The following ACACA variants were observed in gnomAD, a reference collection of about 807,000 sequenced individuals.
ACACA encodes acetyl-CoA carboxylase 1.
A neutral mutation model predicts 296.1 loss-of-function variants in ACACA; 103 were observed. The ratio of observed to expected loss-of-function variants is 0.35; its 90% CI spans 0.30 to 0.41. ACACA has a LOEUF of 0.41. Among genes scored for constraint, ACACA ranks in the 10% least tolerant of loss-of-function variants. ACACA has a pLI of 1.00. For missense variants in ACACA, 1,554 were observed against 2,989.7 expected (o/e 0.52, Z 11.20); for synonymous variants, 953 against 1,038.6 (o/e 0.92, Z 1.58).
chr17:37,091,920 C>T (rs755909234), intron 54 of ACACA, among the ~76,000 whole-genome samples: 2 of 152,078 alleles, frequency 1.3e-5, no homozygotes, highest in Non-Finnish European at 2.9e-5. Flanking sequence ...AGTTGTAAGA[C>T]TCAATTCCAG....
chr17:37,223,204 T>A (rs1234396458), intron 28 of ACACA, among the ~76,000 whole-genome samples: 1 of 152,210 alleles, frequency 6.6e-6, no homozygotes, highest in Non-Finnish European at 1.5e-5. Context: ...TTTTCGCTTT[T>A]TGTGTTACAA....
Position 37,266,734 on chromosome 17 carries a change from C to T in ACACA, c.1120-2840G>A, listed in dbSNP as rs1236194160. On this transcript the variant is annotated intron_variant, in intron 10 of 55. Transcript: ENST00000616317. ...TCTTCTTTAGCTTACCTCTCTTTTA[C>T]AGTTTTTTAGCATAAGCAACTAGAA... is the stretch of plus-strand genomic sequence containing the variant. Among the ~76,000 whole-genome samples the T allele has an allele frequency of 2.0e-5, 3 of 152,152 alleles. No homozygotes were observed. In the East Asian group the frequency reaches 5.8e-4, roughly 29 times the overall value.
At chr17:37,099,650 A>AT (rs2073239189) in intron 52 of ACACA, among the ~76,000 whole-genome samples, 1 of 129,722 alleles carries the variant, frequency 7.7e-6, no homozygotes, top group Admixed American at 7.6e-5. Context: ...GGCTGATGGG[A>AT]GGAGGGCTGA....
chr17:37,121,979 A>G (rs191686492), intron 49 of ACACA, among the ~76,000 whole-genome samples: 1 of 152,186 alleles, frequency 6.6e-6, no homozygotes, highest in Admixed American at 6.5e-5. Context: ...AATATAATCC[A>G]TCCTTTAAAA....
intron 1 of ACACA, among the ~76,000 whole-genome samples, chr17:37,344,766 G>A (rs965115028): frequency 1.3e-5 from 2 of 152,024 alleles, no homozygotes; most frequent in South Asian, 2.1e-4. Context: ...TATGTCATAC[G>A]TTCCCCAAAA....
rs144260043 is a variant in ACACA, at chr17:37,097,097, G to A, written c.6790C>T (p.Leu2264=). ...WRLRRLLLED[L]VKKKIHNANP... is the part of the protein sequence containing the mutation. ...GCATTGTGGATTTTCTTCTTGACCA[G>A]GTCCTCCAGCAGAAGACGCCTCAGC... Residue 2264 remains leucine (L), a synonymous_variant, in exon 54 of 56, where the codon CTG becomes TTG. Coordinates refer to ENST00000616317, the MANE Select transcript of ACACA (RefSeq NM_198834.3). This position sits in a 1 kb window ranked among gnomAD's most constrained non-coding sequence, Gnocchi z 4.8. 2.8e-5 allele frequency: 45 copies of A among 1,614,114 alleles called. No individual in the cohort carries two copies. The African/African-American group carries it at 5.9e-4, about 21-fold the overall frequency.
chr17:37,293,430 T>C (rs551741855), intron 3 of ACACA, among the ~76,000 whole-genome samples: 7 of 151,974 alleles, frequency 4.6e-5, no homozygotes, highest in Admixed American at 1.3e-4. Context: ...AAAAGCATTA[T>C]AGATAAGAAC....
chr17:37,309,888 C>CA (rs2084050819), intron 3 of ACACA, among the ~76,000 whole-genome samples: 1 of 151,824 alleles, frequency 6.6e-6, no homozygotes, highest in Non-Finnish European at 1.5e-5. Flanking sequence ...CACATCTCTA[C>CA]AAAAAAATTT....
chr17:37,294,677 C>T (rs2083243951), intron 3 of ACACA, among the ~76,000 whole-genome samples: 1 of 152,174 alleles, frequency 6.6e-6, no homozygotes, highest in Admixed American at 6.5e-5. Flanking sequence ...CTCCAGATTC[C>T]AAACAATATT....
chr17:37,386,098 A>G, intron 1 of ACACA: 1 of 1,591,290 alleles, frequency 6.3e-7, no homozygotes, highest in Middle Eastern at 1.7e-4. Context: ...TCCTGGGAAT[A>G]AAGAAGGAGA....
intron 9 of ACACA, among the ~76,000 whole-genome samples, chr17:37,272,381 A>C (rs761639299): frequency 4.6e-5 from 7 of 152,164 alleles, no homozygotes. Flanking sequence ...CAGAAAAAGA[A>C]CATTTCAATT....
At position 37,339,801 on chromosome 17, in the gene ACACA, G is replaced by T; in HGVS notation, c.85+3C>A. 7.3e-7 allele frequency: 1 copy of T among 1,371,236 alleles called. No individual in the cohort carries two copies. Among genetic ancestry groups the T allele is most frequent in the South Asian group, 1.2e-5 (1 of 85,092 alleles). 84.9% of individuals were successfully genotyped at this position (1,371,236 alleles called of 1,614,324 possible). A position where few individuals can be genotyped will look rare whatever the true frequency, so the allele number is the denominator to read the frequency against. On this transcript the variant is annotated splice_donor_region_variant and intron_variant, in intron 2 of 55. Transcript: ENST00000616317. ...TAAACAAGGAGTATTATTTGTAACT[G>T]ACCTCTTATAATTCTTACTGTCTGA...
chr17:37,400,135 T>C (rs1434877356), intron 1 of ACACA, among the ~76,000 whole-genome samples: 2 of 152,144 alleles, frequency 1.3e-5, no homozygotes, highest in African/African-American at 4.8e-5. Context: ...TGTTTTTGTT[T>C]TTGAGACAGG....
chr17:37,204,355 C>T (rs919753124), intron 33 of ACACA, among the ~76,000 whole-genome samples: 1 of 152,212 alleles, frequency 6.6e-6, no homozygotes, highest in African/African-American at 2.4e-5. Context: ...GCCCCCTATA[C>T]CTGGCATCAA....
At chr17:37,394,515 C>G (rs547125760) in intron 1 of ACACA, among the ~76,000 whole-genome samples, 1 of 151,768 alleles carries the variant, frequency 6.6e-6, no homozygotes, top group Admixed American at 6.6e-5. Context: ...CTGTGCCTAG[C>G]CTTATTTGCT....
At chr17:37,109,112 G>A (rs1471616165) in intron 52 of ACACA, among the ~76,000 whole-genome samples, 2 of 152,192 alleles carry the variant, frequency 1.3e-5, no homozygotes, top group Non-Finnish European at 2.9e-5. Flanking sequence ...CAAACTAAAA[G>A]AGCCAGAATC....
chr17:37,184,237 C>T (rs910185085), intron 39 of ACACA, among the ~76,000 whole-genome samples: 1 of 152,174 alleles, frequency 6.6e-6, no homozygotes, highest in Non-Finnish European at 1.5e-5. Flanking sequence ...ACTATCATCA[C>T]AAGCATGTGG....
chr17:37,373,329 C>T (rs1356857543), intron 1 of ACACA, among the ~76,000 whole-genome samples: 4 of 151,990 alleles, frequency 2.6e-5, no homozygotes, highest in Non-Finnish European at 5.9e-5. Context: ...CTCACCACAA[C>T]CTCTGCTTCC....
intron 1 of ACACA, among the ~76,000 whole-genome samples, chr17:37,370,513 C>T (rs1233432410): frequency 8.0e-5 from 12 of 149,168 alleles, no homozygotes; most frequent in Admixed American, 6.7e-4. Context: ...AAAAATTAGC[C>T]GGGCATGGTG....
Sources: allele counts gnomAD v4.1 joint callset (sites outside exome capture counted in the v4.1 genomes callset), GRCh38; gene constraint gnomAD v4.1.1; non-coding constraint Gnocchi (gnomAD v3.1); transcripts MANE v1.5; gene names NCBI Gene and HGNC (gene_info 2026-07-23, HGNC 2026-07-21).